UNC13C: variants seen among roughly 807,000 people sequenced by gnomAD.
UNC13C encodes the protein unc-13 homolog C.
Under a neutral mutation model 245.4 loss-of-function variants are expected in UNC13C, and 174 were observed. The observed-to-expected ratio is 0.71, with a 90% CI of 0.63 to 0.80. The LOEUF (loss-of-function observed/expected upper bound fraction) is 0.80. Among genes scored for constraint, UNC13C ranks in the 30% least tolerant of loss-of-function variants. UNC13C has a pLI of 0.00. For missense variants in UNC13C, 2,829 were observed against 2,602.9 expected, an observed-to-expected ratio of 1.09 and a Z score of -1.89; for synonymous variants, 992 against 895.1, an observed-to-expected ratio of 1.11 and a Z score of -1.93.
chr15:54,454,167 A>G (rs1338746909), intron 19 of UNC13C, among the ~76,000 whole-genome samples: 1 of 151,968 alleles, frequency 6.6e-6, no homozygotes, highest in East Asian at 1.9e-4. Flanking sequence ...TTAACCATTA[A>G]TATGTGTGCA....
At chr15:53,861,808 T>C in the UNC13C span, among the ~76,000 whole-genome samples, 2 of 152,046 alleles carry the variant, frequency 1.3e-5, no homozygotes, top group African/African-American at 4.8e-5. Context: ...GGAAGATAGG[T>C]AAAAGGGAGA....
intron 19 of UNC13C, among the ~76,000 whole-genome samples, chr15:54,463,640 A>T (rs2141030413): frequency 6.6e-6 from 1 of 152,254 alleles, no homozygotes; most frequent in African/African-American, 2.4e-5. Context: ...GAAACTCCGA[A>T]CACATCCGAA....
chr15:54,574,985 C>CT (rs1302112143), intron 30 of UNC13C, among the ~76,000 whole-genome samples: 2 of 152,032 alleles, frequency 1.3e-5, no homozygotes, highest in Non-Finnish European at 2.9e-5. Flanking sequence ...TCTCACTCTT[C>CT]TTTTTATTGG....
chr15:54,043,330 C>A lies in UNC13C; in HGVS notation c.2983+27444C>A, dbSNP rs137962913. Among the ~76,000 whole-genome samples, 394 of 152,312 alleles carry A rather than the reference C, an allele frequency of 2.6e-3. 2 individuals carry two copies. The highest frequency in any genetic ancestry group is 8.9e-3 in the African/African-American group (368 of 41,572). On this transcript the variant is annotated intron_variant, in intron 2 of 32. Transcript: ENST00000260323. ...GCAATTTCTGGAGATATTAAGCCAGCAGATACAGGAACATGTGTCACTTCA... is the reference window on the plus strand; with the variant it reads ...GCAATTTCTGGAGATATTAAGCCAGAAGATACAGGAACATGTGTCACTTCA...
chr15:54,409,088 C>G (rs971876218), intron 18 of UNC13C, among the ~76,000 whole-genome samples: 1 of 152,106 alleles, frequency 6.6e-6, no homozygotes, highest in Non-Finnish European at 1.5e-5. Flanking sequence ...TCAACTTCAA[C>G]AAAAGCCTGA....
intron 18 of UNC13C, among the ~76,000 whole-genome samples, chr15:54,410,956 C>CA (rs1404601159): frequency 6.6e-6 from 1 of 152,200 alleles, no homozygotes; most frequent in Non-Finnish European, 1.5e-5. Flanking sequence ...AGCAATGTGT[C>CA]AGAGTTCCAG....
At chr15:53,928,617 C>T in the UNC13C span, among the ~76,000 whole-genome samples, 1 of 152,144 alleles carries the variant, frequency 6.6e-6, no homozygotes, top group East Asian at 1.9e-4. Context: ...TATTTAGACT[C>T]TCCTGGAAGG....
At chr15:54,522,756 A>C (rs375020315) in intron 24 of UNC13C, among the ~76,000 whole-genome samples, 2 of 152,216 alleles carry the variant, frequency 1.3e-5, no homozygotes. Context: ...CAAAATCCTT[A>C]AATTTTCATT....
intron 19 of UNC13C, among the ~76,000 whole-genome samples, chr15:54,471,330 T>C (rs1325511940): frequency 6.6e-6 from 1 of 151,678 alleles, no homozygotes; most frequent in East Asian, 1.9e-4. Flanking sequence ...GCAGTCTGTG[T>C]CTCTCTTCAG....
intron 30 of UNC13C, among the ~76,000 whole-genome samples, chr15:54,590,423 G>A (rs1013661270): frequency 6.6e-6 from 1 of 152,106 alleles, no homozygotes; most frequent in African/African-American, 2.4e-5. Context: ...CAGGAGCATG[G>A]GATGTGTTTC....
At chr15:54,499,295 G>C (rs2141096311) in intron 20 of UNC13C, among the ~76,000 whole-genome samples, 1 of 152,132 alleles carries the variant, frequency 6.6e-6, no homozygotes, top group South Asian at 2.1e-4. Flanking sequence ...GCACCAAGGG[G>C]ATAGTTCTAA....
At position 54,364,296 on chromosome 15, in the gene UNC13C, A is replaced by AC. The variant is rs10582819; in HGVS notation, c.4713+25816dup. 2.5e-4 allele frequency among the ~76,000 whole-genome samples: 38 copies of AC among 151,832 alleles called. 1 individual carries two copies. Among genetic ancestry groups the AC allele is most frequent in the African/African-American group, 9.0e-4 (37 of 41,286 alleles). On this transcript the variant is annotated intron_variant, in intron 17 of 32. Transcript: ENST00000260323. ...TAAGTATTTATTAGACCAAAAAATG[A>AC]CCCCCCCCCAAGAAAAATTTAATTG...
the UNC13C span, among the ~76,000 whole-genome samples, chr15:53,921,703 G>A: frequency 2.6e-5 from 4 of 152,188 alleles, no homozygotes; most frequent in African/African-American, 7.2e-5. Flanking sequence ...GATGAGTGGA[G>A]TTTGCAGTGC....
At chr15:54,196,824 C>T (rs1230614891) in intron 4 of UNC13C, among the ~76,000 whole-genome samples, 1 of 152,082 alleles carries the variant, frequency 6.6e-6, no homozygotes, top group African/African-American at 2.4e-5. Context: ...AATATCTTAA[C>T]CCGATGAACT....
chr15:54,000,224 G>C (rs373068136), intron 1 of UNC13C, among the ~76,000 whole-genome samples: 1 of 152,052 alleles, frequency 6.6e-6, no homozygotes, highest in African/African-American at 2.4e-5. Flanking sequence ...GTCAAGAACA[G>C]CATCGGGTTA....
chr15:54,356,670 A>T (rs780271731), intron 17 of UNC13C, among the ~76,000 whole-genome samples: 1 of 152,188 alleles, frequency 6.6e-6, no homozygotes, highest in Admixed American at 6.5e-5. Flanking sequence ...TTATTATTTG[A>T]TAATTCCCCA....
rs578240536 is a variant in UNC13C, at chr15:54,624,432, G to A, written c.6359+478G>A. ...ATAGCTAGTACAAGGACTCTAAGGC[G>A]AGAGCAAGTCTGGGATATTTAAGAA... On this transcript the variant is annotated intron_variant, in intron 32 of 32. Coordinates refer to ENST00000260323, the MANE Select transcript of UNC13C (RefSeq NM_001080534.3). Among the ~76,000 whole-genome samples, 4 of 152,210 alleles carry A rather than the reference G, an allele frequency of 2.6e-5. No homozygotes were observed. In the South Asian group the frequency reaches 6.2e-4, roughly 24 times the overall value.
Position 54,080,106 on chromosome 15 carries a change from A to T in UNC13C, c.2984-62912A>T, listed in dbSNP as rs1898863032. ...ATAGTTTTTGTTCTTAGTTCTGTTTATGTAGTGAATTACACTTATTGATTT... is the reference window on the plus strand; with the variant it reads ...ATAGTTTTTGTTCTTAGTTCTGTTTTTGTAGTGAATTACACTTATTGATTT... On this transcript the variant is annotated intron_variant, in intron 2 of 32. Coordinates refer to ENST00000260323, the MANE Select transcript of UNC13C (RefSeq NM_001080534.3). 2.1e-5 allele frequency among the ~76,000 whole-genome samples: 3 copies of T among 144,140 alleles called. No homozygotes were observed. In the Admixed American group the frequency reaches 2.2e-4, roughly 10 times the overall value. 94.6% of individuals were successfully genotyped at this position (144,140 alleles called of 152,430 possible). A position where few individuals can be genotyped will look rare whatever the true frequency, so the allele number is the denominator to read the frequency against.
At chr15:53,885,720 A>G in the UNC13C span, among the ~76,000 whole-genome samples, 1 of 152,210 alleles carries the variant, frequency 6.6e-6, no homozygotes, top group Non-Finnish European at 1.5e-5. Context: ...AAAAGTGATC[A>G]CACCTTTCTG....
Sources: gnomAD v4.1 joint callset for allele counts (sites outside exome capture counted in the v4.1 genomes callset) on GRCh38, gnomAD v4.1.1 for gene constraint, MANE v1.5 for transcripts, NCBI Gene and HGNC (gene_info 2026-07-23, HGNC 2026-07-21) for gene names.